TDRD12: variants seen among roughly 807,000 people sequenced by gnomAD.
TDRD12 encodes tudor domain containing 12.
Under a neutral mutation model 133.5 loss-of-function variants are expected in TDRD12, and 158 were observed. The observed-to-expected ratio is 1.18, with a 90% CI of 1.04 to 1.35. TDRD12 has a LOEUF of 1.35. Among genes scored for constraint, TDRD12 ranks in the 40% most tolerant of loss-of-function variants. The probability of loss-of-function intolerance (pLI) is 0.00; values close to 1 mark genes in which losing one functional copy is unlikely to be tolerated. For synonymous variants in TDRD12, 460 were observed against 477.9 expected (o/e 0.96, Z 0.49); for missense variants, 1,443 against 1,321.3 (o/e 1.09, Z -1.43).
intron 23 of TDRD12, among the ~76,000 whole-genome samples, chr19:32,810,946 G>T (rs1023821302): frequency 7.2e-5 from 11 of 152,058 alleles, no homozygotes; most frequent in African/African-American, 2.7e-4. Context: ...AAAACTTTGA[G>T]ACTTTAATTT....
chr19:32,826,235 T>C, downstream of TDRD12: 1 of 1,482,032 alleles, frequency 6.7e-7, no homozygotes, highest in Non-Finnish European at 9.0e-7. Context: ...CAGGTCTTTC[T>C]TCTTCTAGCT....
chr19:32,808,913 TCTG>T (rs140268273), intron 22 of TDRD12, among the ~76,000 whole-genome samples: 7,985 of 152,198 alleles, frequency 0.052, 381 homozygotes, highest in African/African-American at 0.12. Context: ...GGATGGTTCT[TCTG>T]CTCTTTATTC....
chr19:32,804,363 C>T (rs988234978), intron 21 of TDRD12, among the ~76,000 whole-genome samples: 3 of 151,286 alleles, frequency 2.0e-5, no homozygotes, highest in African/African-American at 4.8e-5. Flanking sequence ...TGAGCCACCG[C>T]GCCCAGCCTG....
chr19:32,730,044 C>A (rs1443506011), intron 1 of TDRD12, among the ~76,000 whole-genome samples: 7 of 152,060 alleles, frequency 4.6e-5, no homozygotes, highest in African/African-American at 1.7e-4. Context: ...CCCACCTCGG[C>A]CTCCCAAAGT....
At chr19:32,818,045 T>C (rs1967242601) in intron 26 of TDRD12, 44 bp from the exon 27 acceptor site, 3 of 702,128 alleles carry the variant, frequency 4.3e-6, no homozygotes, top group Non-Finnish European at 7.8e-6. Flanking sequence ...GCTCCACAGA[T>C]GCACATGATT....
At chr19:32,800,678 C>T (rs200017432) in exon 18 of TDRD12, 3 of 1,535,554 alleles carry the variant, frequency 2.0e-6, no homozygotes, top group East Asian at 2.4e-5. Flanking sequence ...GAAAAAACTT[C>T]TTCTTTACTC....
intron 3 of TDRD12, among the ~76,000 whole-genome samples, chr19:32,739,886 C>T (rs1484442780): frequency 7.4e-6 from 1 of 135,350 alleles, no homozygotes; most frequent in Non-Finnish European, 1.5e-5. Flanking sequence ...GCGCTGTCTG[C>T]ATCTCCTGGG....
Position 32,729,778 on chromosome 19 carries a change from C to CTT in TDRD12, c.25-1920_25-1919dup, listed in dbSNP as rs1162347194. On this transcript the variant is annotated intron_variant, in intron 1 of 27. Coordinates refer to ENST00000444215, the Ensembl canonical transcript of TDRD12. ...TTTCTGGTGACTACTTTTTCTTTTTCTTTTTTTTTTTTTTTTTTTTTTTTT... is the reference window on the plus strand; with the variant it reads ...TTTCTGGTGACTACTTTTTCTTTTTCTTTTTTTTTTTTTTTTTTTTTTTTTTT... Among the ~76,000 whole-genome samples, 553 of 73,700 alleles carry CTT rather than the reference C, an allele frequency of 7.5e-3. 51 individuals are homozygous for CTT. Among genetic ancestry groups the CTT allele is most frequent in the Middle Eastern group, 0.012 (1 of 86 alleles). The allele number at this position is 73,700 out of a possible 152,430, so 48.4% of individuals were successfully genotyped here.
downstream of TDRD12, among the ~76,000 whole-genome samples, chr19:32,822,860 C>T (rs1450134709): frequency 6.6e-6 from 1 of 152,164 alleles, no homozygotes; most frequent in African/African-American, 2.4e-5. Flanking sequence ...AATTTATCTT[C>T]GTGTGGCCTT....
At chr19:32,777,812 C>CATATATATATATAT (rs1165802411) in intron 11 of TDRD12, among the ~76,000 whole-genome samples, 10 of 27,682 alleles carry the variant, frequency 3.6e-4, no homozygotes, top group Non-Finnish European at 5.8e-4. Flanking sequence ...AACTGATTTA[C>CATATATATATATAT]ATATATATAT....
At chr19:32,749,402 G>C (rs561908871) in intron 5 of TDRD12, among the ~76,000 whole-genome samples, 1 of 152,176 alleles carries the variant, frequency 6.6e-6, no homozygotes, top group African/African-American at 2.4e-5. Flanking sequence ...AAAGGACTTA[G>C]CACAGCACCT....
chr19:32,765,929 G>T (rs4239574), intron 8 of TDRD12, among the ~76,000 whole-genome samples: 86,615 of 150,832 alleles, frequency 0.57, 25,401 homozygotes, highest in East Asian at 0.82. Flanking sequence ...AAAAAAGAAT[G>T]TTTATGTCCT....
chr19:32,815,345 C>T (rs562298101), intron 25 of TDRD12, 103 bp from the exon 26 acceptor site: 73 of 979,302 alleles, frequency 7.5e-5, no homozygotes, highest in South Asian at 7.4e-4. Flanking sequence ...GTGCAGCCAA[C>T]GTGGCAGGCT....
exon 11 of TDRD12, chr19:32,777,177 C>T: frequency 6.5e-7 from 1 of 1,538,652 alleles, no homozygotes; most frequent in Non-Finnish European, 8.7e-7. Context: ...AAATGAGAAA[C>T]CTCTTAGATT....
chr19:32,788,096 T>C (rs1474617418), intron 11 of TDRD12, among the ~76,000 whole-genome samples: 2 of 152,084 alleles, frequency 1.3e-5, no homozygotes, highest in East Asian at 1.9e-4. Flanking sequence ...TTTAATCTCT[T>C]TGTCTTTTTG....
At chr19:32,754,608 T>C (rs2145539618) in intron 6 of TDRD12, among the ~76,000 whole-genome samples, 1 of 152,074 alleles carries the variant, frequency 6.6e-6, no homozygotes, top group East Asian at 1.9e-4. Context: ...TGCTTTCTTC[T>C]TGCTTTTCAA....
At chr19:32,800,908 A>AG in intron 18 of TDRD12, 136 bp downstream of exon 18, 1 of 914,148 alleles carries the variant, frequency 1.1e-6, no homozygotes. Flanking sequence ...TCAGAAGAGG[A>AG]GGTGGGGTCT....
At chr19:32,762,546 A>T (rs1043956668) in intron 8 of TDRD12, among the ~76,000 whole-genome samples, 3 of 152,228 alleles carry the variant, frequency 2.0e-5, no homozygotes, top group Admixed American at 6.5e-5. Flanking sequence ...TAATGGCGGT[A>T]GGAAAAACTA....
intron 21 of TDRD12, among the ~76,000 whole-genome samples, chr19:32,804,563 C>T (rs1056283045): frequency 1.3e-5 from 2 of 151,318 alleles, no homozygotes. Flanking sequence ...CGTGGTGGTG[C>T]GTGCCTGGAG....
Sources: allele counts gnomAD v4.1 joint callset (sites outside exome capture counted in the v4.1 genomes callset), GRCh38; gene constraint gnomAD v4.1.1; transcripts MANE v1.5; gene names NCBI Gene and HGNC (gene_info 2026-07-23, HGNC 2026-07-21).